Variants in SRGAP1 observed in about 807,000 individuals in gnomAD.
The protein encoded by SRGAP1 is SLIT-ROBO Rho GTPase activating protein 1, also known as SLIT-ROBO Rho GTPase-activating protein 1.
A neutral mutation model predicts 121.9 loss-of-function variants in SRGAP1; 43 were observed. That is an observed-to-expected ratio of 0.35 (90% CI 0.28 to 0.46). The LOEUF (loss-of-function observed/expected upper bound fraction) is 0.46. Ranked by LOEUF, SRGAP1 falls within the 20% of genes least tolerant of loss-of-function variation. The pLI, the probability that SRGAP1 is intolerant of heterozygous loss-of-function variation, is 1.00. For missense variants in SRGAP1, 1,102 were observed against 1,350.9 expected, an observed-to-expected ratio of 0.82 and a Z score of 2.89; for synonymous variants, 447 against 485.4, an observed-to-expected ratio of 0.92 and a Z score of 1.04.
At chr12:64,025,189 A>G (rs2136478410) in intron 4 of SRGAP1, among the ~76,000 whole-genome samples, 1 of 151,934 alleles carries the variant, frequency 6.6e-6, no homozygotes, top group Admixed American at 6.6e-5. Flanking sequence ...TTTAGAGGGA[A>G]TGAAAAGATG....
chr12:64,072,855 A>AG (rs1399641961), intron 8 of SRGAP1, among the ~76,000 whole-genome samples: 1 of 152,214 alleles, frequency 6.6e-6, no homozygotes, highest in African/African-American at 2.4e-5. Context: ...CACAAAGGCA[A>AG]CAAAGCCAGT....
At chr12:63,879,928 T>C (rs1900139140) in intron 1 of SRGAP1, among the ~76,000 whole-genome samples, 1 of 152,184 alleles carries the variant, frequency 6.6e-6, no homozygotes, top group South Asian at 2.1e-4. Context: ...AGTATCTCCA[T>C]CCATAATGGG....
Position 64,115,821 on chromosome 12 carries a change from C to T in SRGAP1, c.2152C>T (p.Pro718Ser). ...TCCATTTGTATTCTACAGCGACAGC[C>T]CATACAGTGAGCACGGTACATTGGA... ...CMAGDDYCDS[P>S]YSEHGTLEEV... The change falls in exon 18 of 22, where the codon CCA (proline) becomes TCA (serine). Residue 718 changes from proline to serine, a missense_variant. Physicochemically the swap from Pro to Ser is moderately conservative, Grantham distance 74 (BLOSUM62 -1). This residue lies in a region of SRGAP1 where 747 missense variants were observed against 929.4 expected (regional missense o/e 0.80). Transcript: ENST00000355086. 1.9e-6 allele frequency: 3 copies of T among 1,613,066 alleles called. No homozygotes were observed. The highest frequency in any genetic ancestry group is 2.5e-6 in the Non-Finnish European group (3 of 1,179,382).
At chr12:63,861,336 G>C (rs1447125440) in intron 1 of SRGAP1, among the ~76,000 whole-genome samples, 1 of 144,476 alleles carries the variant, frequency 6.9e-6, no homozygotes, top group Non-Finnish European at 1.5e-5. Flanking sequence ...GTCTTGCTCT[G>C]TTGCCCAGGC....
At chr12:64,066,533 A>C (rs2035542917) in intron 8 of SRGAP1, among the ~76,000 whole-genome samples, 1 of 152,206 alleles carries the variant, frequency 6.6e-6, no homozygotes, top group Admixed American at 6.5e-5. Flanking sequence ...ATTCACTTTC[A>C]TACCCTGTTT....
chr12:63,883,606 A>C (rs1900267025), intron 1 of SRGAP1, among the ~76,000 whole-genome samples: 1 of 152,132 alleles, frequency 6.6e-6, no homozygotes, highest in African/African-American at 2.4e-5. Flanking sequence ...TCATCAATCC[A>C]GGAGGTATAC....
chr12:63,928,323 G>A (rs768118850), intron 1 of SRGAP1, among the ~76,000 whole-genome samples: 1 of 152,134 alleles, frequency 6.6e-6, no homozygotes, highest in African/African-American at 2.4e-5. Context: ...CCACTCCTAT[G>A]CATTTAACCA....
intron 4 of SRGAP1, among the ~76,000 whole-genome samples, chr12:64,022,449 G>C (rs1029112347): frequency 1.3e-5 from 2 of 152,090 alleles, no homozygotes; most frequent in African/African-American, 4.8e-5. Context: ...CAGTAGGTTG[G>C]ATAAGACCCA....
chr12:64,004,116 C>G (rs555055717), intron 3 of SRGAP1, among the ~76,000 whole-genome samples: 10 of 152,122 alleles, frequency 6.6e-5, no homozygotes, highest in Non-Finnish European at 1.2e-4. Flanking sequence ...AGCTGAGAAA[C>G]ATTAATGTAA....
At chr12:63,993,970 A>G (rs768507994) in intron 3 of SRGAP1, among the ~76,000 whole-genome samples, 12 of 152,212 alleles carry the variant, frequency 7.9e-5, no homozygotes, top group Non-Finnish European at 1.5e-4. Flanking sequence ...TGGTCAAAAT[A>G]ATAGTGATTC....
In SRGAP1 at chr12:64,156,294, G is replaced by A. The variant is rs1391914672; in HGVS notation, c.*13622G>A. ...TGTTGATTTTGTAGACTCATTTGCA[G>A]GAAGAACAATGTCAGGTGGAGAGAA... On this transcript the variant is annotated 3_prime_UTR_variant, in exon 22 of 22. Coordinates refer to ENST00000355086, the MANE Select transcript of SRGAP1 (RefSeq NM_020762.4). 3 of 152,156 alleles carry A rather than the reference G, an allele frequency of 2.0e-5. No homozygotes were observed. Among genetic ancestry groups the A allele is most frequent in the African/African-American group, 7.2e-5 (3 of 41,444 alleles). The allele number at this position is 152,156 out of a possible 1,614,324, so 9.4% of individuals were successfully genotyped here.
intron 1 of SRGAP1, among the ~76,000 whole-genome samples, chr12:63,876,377 T>C (rs1900029123): frequency 2.6e-5 from 4 of 152,316 alleles, no homozygotes; most frequent in South Asian, 4.1e-4. Context: ...TAGCCTGTTA[T>C]GGGAAGTATC....
At chr12:64,051,484 T>G (rs543860236) in intron 6 of SRGAP1, among the ~76,000 whole-genome samples, 2 of 152,310 alleles carry the variant, frequency 1.3e-5, no homozygotes, top group South Asian at 4.1e-4. Context: ...AAATTAATAA[T>G]GTAAACTAAA....
chr12:64,134,271 A>T (rs1363878640), intron 21 of SRGAP1, among the ~76,000 whole-genome samples: 1 of 152,020 alleles, frequency 6.6e-6, no homozygotes, highest in Non-Finnish European at 1.5e-5. Context: ...AATCTAAAAA[A>T]TTAGCTGGGA....
chr12:63,872,003 T>G, intron 1 of SRGAP1: 1 of 903,562 alleles, frequency 1.1e-6, no homozygotes, highest in Non-Finnish European at 1.9e-6. Flanking sequence ...CTTCGTCAGG[T>G]GATGCTTACA....
intron 1 of SRGAP1, among the ~76,000 whole-genome samples, chr12:63,884,685 T>C (rs1359149864): frequency 6.6e-6 from 1 of 151,066 alleles, no homozygotes; most frequent in African/African-American, 2.4e-5. Flanking sequence ...ACCTCTCCCC[T>C]CTTCCCGCTT....
intron 7 of SRGAP1, 42 bp downstream of exon 7, chr12:64,063,180 A>G (rs556008574): frequency 1.9e-5 from 29 of 1,516,788 alleles, no homozygotes; most frequent in Non-Finnish European, 2.6e-5. Context: ...TTGTCTCTTC[A>G]CTTATATTTC....
chr12:64,108,779 A>G (rs2036384974), intron 15 of SRGAP1, 153 bp from the exon 16 acceptor site: 2 of 440,668 alleles, frequency 4.5e-6, no homozygotes, highest in Non-Finnish European at 7.9e-6. Flanking sequence ...ACCCAAGCCG[A>G]TCATTTATTC....
intron 4 of SRGAP1, among the ~76,000 whole-genome samples, chr12:64,027,490 G>A (rs2136481656): frequency 6.6e-6 from 1 of 152,216 alleles, no homozygotes; most frequent in South Asian, 2.1e-4. Context: ...GAGGAGAGAT[G>A]AAACAGGGGA....
Sources: gnomAD v4.1 joint callset for allele counts (sites outside exome capture counted in the v4.1 genomes callset) on GRCh38, gnomAD v4.1.1 for gene constraint, gnomAD v4.1.1 regional missense constraint, MANE v1.5 for transcripts, NCBI Gene and HGNC (gene_info 2026-07-23, HGNC 2026-07-21) for gene names.